The following IRF1 variants were observed in gnomAD, a reference collection of about 807,000 sequenced individuals.
IRF1 encodes the protein interferon regulatory factor-1.
In IRF1, 13 loss-of-function variants were observed where a neutral mutation model predicts 43.7. The observed-to-expected ratio is 0.30, with a 90% confidence interval of 0.19 to 0.47. IRF1 has a LOEUF of 0.47. Ranked by LOEUF, IRF1 falls within the 20% of genes least tolerant of loss-of-function variation. The pLI is 0.99. For missense variants in IRF1, 236 were observed against 408.9 expected, an observed-to-expected ratio of 0.58 and a Z score of 3.65; for synonymous variants, 138 against 146.8, an observed-to-expected ratio of 0.94 and a Z score of 0.43.
chr5:132,485,766 C>A, intron 7 of IRF1, 50 bp from the exon 8 acceptor site: 1 of 1,468,320 alleles, frequency 6.8e-7, no homozygotes, highest in Non-Finnish European at 9.5e-7. Flanking sequence ...CCACACTCAC[C>A]CTGCAGTTCC....
intron 2 of IRF1, chr5:132,488,273 G>A: frequency 4.2e-6 from 2 of 480,276 alleles, no homozygotes; most frequent in South Asian, 2.2e-5. Context: ...ACCTCCCTCT[G>A]CCTGTTACAC....
At position 132,483,246 on chromosome 5, in the gene IRF1, G is replaced by C. The variant is rs944244426; in HGVS notation, c.*705C>G. ...CTGTTGAGGGCTGCTGGGGCTTGAG[G>C]GGGTGGTGGGCGCCGAGCAAGGCAC... On this transcript the variant is annotated 3_prime_UTR_variant, in exon 10 of 10. Transcript: ENST00000245414. 1.3e-5 allele frequency: 2 copies of C among 152,902 alleles called. No individual in the cohort carries two copies. Among genetic ancestry groups the C allele is most frequent in the Admixed American group, 1.3e-4 (2 of 15,302 alleles). 9.5% of individuals were successfully genotyped at this position (152,902 alleles called of 1,614,324 possible).
chr5:132,489,064 T>C lies in IRF1; in HGVS notation c.87+328A>G, dbSNP rs535393309. 37 of 235,358 alleles carry C rather than the reference T, an allele frequency of 1.6e-4. 1 individual carries two copies. In the South Asian group the frequency reaches 1.7e-3, roughly 11 times the overall value. 14.6% of individuals were successfully genotyped at this position (235,358 alleles called of 1,614,324 possible). A position where few individuals can be genotyped will look rare whatever the true frequency, so the allele number is the denominator to read the frequency against. On this transcript the variant is annotated intron_variant, in intron 2 of 9. Coordinates refer to ENST00000245414, the MANE Select transcript of IRF1 (RefSeq NM_002198.3). ...ACTTCTCAGTCTTCTATTTGTTCGA[T>C]TGGAGCCCTGCAGAGTGCTGTGTAT...
At chr5:132,487,152 AG>A (rs749057904) in intron 3 of IRF1, 22 bp from the exon 4 acceptor site, 1 of 1,610,844 alleles carries the variant, frequency 6.2e-7, no homozygotes, top group Non-Finnish European at 8.5e-7. Flanking sequence ...GAGAAAAAAG[AG>A]GATCGTCAGG....
In IRF1 at chr5:132,490,564, C is replaced by T. The variant is rs1275389689; in HGVS notation, c.-25G>A. On this transcript the variant is annotated 5_prime_UTR_variant, in exon 1 of 10. Coordinates refer to ENST00000245414, the MANE Select transcript of IRF1 (RefSeq NM_002198.3). The surrounding 1 kb of genome is among the most constrained non-coding windows in gnomAD (Gnocchi z 5.8). ...ACTCACCTCTGCTGCAGGAGCGATT[C>T]GGCGGTCGCGCGCGAGGGTCCCGGC... 1 of 152,172 alleles carries T rather than the reference C, an allele frequency of 6.6e-6. No individual in the cohort carries two copies. The highest frequency in any genetic ancestry group is 2.4e-5 in the African/African-American group (1 of 41,448). 9.4% of individuals were successfully genotyped at this position (152,172 alleles called of 1,614,324 possible). A position where few individuals can be genotyped will look rare whatever the true frequency, so the allele number is the denominator to read the frequency against.
intron 3 of IRF1, 89 bp from the exon 4 acceptor site, chr5:132,487,219 C>T (rs1356065556): frequency 7.6e-7 from 1 of 1,324,180 alleles, no homozygotes; most frequent in African/African-American, 1.4e-5. Flanking sequence ...GCAAGGTACC[C>T]CTGACCTCTT....
chr5:132,487,981 A>C lies in IRF1; in HGVS notation c.132T>G (p.His44Gln). The change falls in exon 3 of 10, where the codon CAT (histidine) becomes CAG (glutamine). Residue 44 changes from histidine (H) to glutamine (Q), a missense_variant. Coordinates refer to ENST00000245414, the MANE Select transcript of IRF1 (RefSeq NM_002198.3). Reference sequence around the variant, plus strand: ...AGGCATCCTTGTTGATGTCCCAGCCATGCTTGGCAGCATGCTTCCATGGGA... The same window carrying C: ...AGGCATCCTTGTTGATGTCCCAGCCCTGCTTGGCAGCATGCTTCCATGGGA... ...FQIPWKHAAK[H>Q]GWDINKDACL... is the part of the protein sequence containing the mutation. The C allele has an allele frequency of 6.2e-7, 1 of 1,613,614 alleles. No homozygotes were observed.
chr5:132,488,382 A>C, intron 2 of IRF1: 1 of 228,164 alleles, frequency 4.4e-6, no homozygotes. Context: ...TGGAAGTAAG[A>C]ACTTCTTCCA....
chr5:132,486,097 G>A (rs1754518405), intron 7 of IRF1, 154 bp downstream of exon 7: 6 of 1,023,314 alleles, frequency 5.9e-6, no homozygotes, highest in Admixed American at 4.0e-5. Flanking sequence ...TAGTGTCCCC[G>A]TCGCTTGCCT....
chr5:132,487,541 T>C (rs1754569230), intron 3 of IRF1: 1 of 343,294 alleles, frequency 2.9e-6, no homozygotes, highest in Non-Finnish European at 5.5e-6. Context: ...GCTCCATCTC[T>C]CAAGGATAAA....
chr5:132,486,534 C>T lies in IRF1; in HGVS notation c.544+23G>A. 2.5e-6 allele frequency: 4 copies of T among 1,613,694 alleles called. No individual in the cohort carries two copies. In the South Asian group the frequency reaches 4.4e-5, roughly 18 times the overall value. On this transcript the variant is annotated intron_variant, in intron 6 of 9. Transcript: ENST00000245414. Reference sequence around the variant, plus strand: ...TCATCCCACTGACCTGTGGGGTCTCCTGCCAGACCTGGACCAGCTCACCTG... The same window carrying T: ...TCATCCCACTGACCTGTGGGGTCTCTTGCCAGACCTGGACCAGCTCACCTG...
At chr5:132,489,111 A>G (rs993843235) in intron 2 of IRF1, 10 of 376,384 alleles carry the variant, frequency 2.7e-5, no homozygotes. Context: ...TCTCGCTTAG[A>G]GGAGAGCAGA....
rs1373978344 is a variant in IRF1 at position 132,490,398 on chromosome 5, G to T, written c.-6+147C>A. The T allele has an allele frequency of 2.7e-5, 4 of 149,438 alleles. No homozygotes were observed. The highest frequency in any genetic ancestry group is 1.5e-5 in the Non-Finnish European group (1 of 67,102). 9.3% of individuals were successfully genotyped at this position (149,438 alleles called of 1,614,324 possible). On this transcript the variant is annotated intron_variant, in intron 1 of 9. Transcript: ENST00000245414. The surrounding 1 kb of genome is among the most constrained non-coding windows in gnomAD (Gnocchi z 5.8). ...GCGGCCCGCGGCTCGCAGCTCCTCC[G>T]GCGCCCCCCGGAGCCCGCGCGGAGG...
Position 132,483,891 on chromosome 5 carries a change from T to G in IRF1, c.*60A>C. The G allele has an allele frequency of 6.2e-7, 1 of 1,600,918 alleles. No individual in the cohort carries two copies. Among genetic ancestry groups the G allele is most frequent in the East Asian group, 2.2e-5 (1 of 44,654 alleles). On this transcript the variant is annotated 3_prime_UTR_variant, in exon 10 of 10. Transcript: ENST00000245414. ...ACAGAAGTCCAGCTTCTCTGCACCA[T>G]ATCCACCATGATGCCAGGTCCTGCT... is the stretch of plus-strand genomic sequence containing the variant.
At position 132,486,690 on chromosome 5, in the gene IRF1, T is replaced by C; in HGVS notation, c.415-4A>G. The C allele has an allele frequency of 6.2e-7, 1 of 1,613,824 alleles. No individual in the cohort carries two copies. On this transcript the variant is annotated splice_region_variant and splice_polypyrimidine_tract_variant and intron_variant, in intron 5 of 9. Coordinates refer to ENST00000245414, the MANE Select transcript of IRF1 (RefSeq NM_002198.3). The stretch of plus-strand genomic sequence containing the variant: ...CAGGGCTGGAATCCCCACATGACTG[T>C]CGAGGGAGAAAGCAGCTTAGGCCCA...
chr5:132,489,728 ATGCAAGTGATGGC>A, intron 1 of IRF1: 2 of 438,250 alleles, frequency 4.6e-6, no homozygotes, highest in South Asian at 6.7e-5. Context: ...GGAGACAGGC[ATGCAAGTGATGGC>A]TTCAGGATTC....
rs1178876434 is a variant in IRF1 at position 132,490,770 on chromosome 5, C to T, written c.-231G>A. On this transcript the variant is annotated 5_prime_UTR_variant, in exon 1 of 10. Coordinates refer to ENST00000245414, the MANE Select transcript of IRF1 (RefSeq NM_002198.3). This position sits in a 1 kb window ranked among gnomAD's most constrained non-coding sequence, Gnocchi z 5.8. ...CTTGCCTCGACTAAGGAGTGGCGAG[C>T]TCTGCCAGGGCAGCGGCGCCACCGA... The T allele has an allele frequency of 2.0e-5, 3 of 152,088 alleles. No homozygotes were observed. The highest frequency in any genetic ancestry group is 1.3e-4 in the Admixed American group (2 of 15,274). 9.4% of individuals were successfully genotyped at this position (152,088 alleles called of 1,614,324 possible). A position where few individuals can be genotyped will look rare whatever the true frequency, so the allele number is the denominator to read the frequency against.
Position 132,489,413 on chromosome 5 carries a change from C to T in IRF1, c.66G>A (p.Pro22=), listed in dbSNP as rs755200269. Residue 22 remains proline (P), a synonymous_variant, in exon 2 of 10, where the codon CCG becomes CCA. Coordinates refer to ENST00000245414, the MANE Select transcript of IRF1 (RefSeq NM_002198.3). ...TCACTTTATTAATCCAGATGAGCCCCGGGATTTGGTTGGAATTAATCTGCA... is the reference window on the plus strand; with the variant it reads ...TCACTTTATTAATCCAGATGAGCCCTGGGATTTGGTTGGAATTAATCTGCA... ...LEMQINSNQI[P]GLIWINKEEM... is the part of the protein sequence containing the mutation. 1.7e-5 allele frequency: 27 copies of T among 1,613,820 alleles called. No homozygotes were observed. Among genetic ancestry groups the T allele is most frequent in the Non-Finnish European group, 2.1e-5 (25 of 1,179,752 alleles).
intron 2 of IRF1, 30 bp downstream of exon 2, chr5:132,489,362 T>C: frequency 6.6e-7 from 1 of 1,523,012 alleles, no homozygotes. Flanking sequence ...GTTAAAACAG[T>C]GGCAGGAAAA....
Sources: allele counts gnomAD v4.1 joint callset, GRCh38; gene constraint gnomAD v4.1.1; non-coding constraint Gnocchi (gnomAD v3.1); transcripts MANE v1.5; gene names NCBI Gene and HGNC (gene_info 2026-07-23, HGNC 2026-07-21).